The following G2E3 variants were observed in gnomAD, a reference collection of about 807,000 sequenced individuals.
G2E3 encodes the protein G2/M-phase specific E3 ubiquitin protein ligase.
A neutral mutation model predicts 92.8 loss-of-function variants in G2E3; 35 were observed. The ratio of observed to expected loss-of-function variants is 0.38; its 90% CI spans 0.29 to 0.50. The LOEUF is 0.50. Ranked by LOEUF, G2E3 falls within the 20% of genes least tolerant of loss-of-function variation. G2E3 has a pLI of 0.94. For synonymous variants in G2E3, 242 were observed against 272.4 expected, an observed-to-expected ratio of 0.89 and a Z score of 1.10; for missense variants, 554 against 823.8, an observed-to-expected ratio of 0.67 and a Z score of 4.01.
Position 30,617,729 on chromosome 14 carries a change from T to C in G2E3, c.*1195T>C, listed in dbSNP as rs1882379626. On this transcript the variant is annotated 3_prime_UTR_variant, in exon 15 of 15. Coordinates refer to ENST00000206595, the MANE Select transcript of G2E3 (RefSeq NM_017769.5). ...AAACTCTTTACTTCTGTTTCCTTTA[T>C]TTTTTAACTTTAATAATGCTACTAA... is the stretch of plus-strand genomic sequence containing the variant. The C allele has an allele frequency of 6.6e-6, 1 of 152,128 alleles. No homozygotes were observed. Among genetic ancestry groups the C allele is most frequent in the Non-Finnish European group, 1.5e-5 (1 of 67,962 alleles). The allele number at this position is 152,128 out of a possible 1,614,324, so 9.4% of individuals were successfully genotyped here. A position where few individuals can be genotyped will look rare whatever the true frequency, so the allele number is the denominator to read the frequency against.
intron 8 of G2E3, among the ~76,000 whole-genome samples, chr14:30,599,803 A>G (rs1416793657): frequency 3.3e-5 from 5 of 152,328 alleles, no homozygotes; most frequent in African/African-American, 1.2e-4. Flanking sequence ...CTACTGGAAA[A>G]TTTTAAATTA....
chr14:30,600,589 C>T (rs1423980010), intron 8 of G2E3, among the ~76,000 whole-genome samples: 1 of 152,094 alleles, frequency 6.6e-6, no homozygotes, highest in Non-Finnish European at 1.5e-5. Context: ...CTGTTCTTAA[C>T]CTATATGTAT....
At chr14:30,590,690 A>G (rs1255679170) in intron 4 of G2E3, 1 of 455,960 alleles carries the variant, frequency 2.2e-6, no homozygotes, top group Non-Finnish European at 4.4e-6. Flanking sequence ...GTAAAAACAG[A>G]GGTTCTAGGG....
intron 12 of G2E3, among the ~76,000 whole-genome samples, chr14:30,609,594 A>G (rs943688095): frequency 1.2e-4 from 18 of 152,056 alleles, no homozygotes; most frequent in African/African-American, 4.3e-4. Context: ...CTCTCCTGTA[A>G]TCTTTCTGAA....
chr14:30,590,493 C>T, intron 4 of G2E3: 1 of 340,778 alleles, frequency 2.9e-6, no homozygotes, highest in Non-Finnish European at 5.8e-6. Context: ...TCTCTTTGTC[C>T]CCTTTCCTGC....
At chr14:30,560,685 T>A (rs1019408516) in intron 1 of G2E3, 2 of 637,616 alleles carry the variant, frequency 3.1e-6, no homozygotes, top group African/African-American at 3.7e-5. Flanking sequence ...TTCATTGGAT[T>A]TTTGCTCTTT....
intron 8 of G2E3, among the ~76,000 whole-genome samples, chr14:30,600,272 C>CCTGT (rs1881502220): frequency 6.6e-6 from 1 of 152,160 alleles, no homozygotes; most frequent in Non-Finnish European, 1.5e-5. Context: ...GTTAGCAGCT[C>CCTGT]TCCTCATTCC....
At chr14:30,614,256 C>T (rs1214590330) in intron 13 of G2E3, among the ~76,000 whole-genome samples, 1 of 151,988 alleles carries the variant, frequency 6.6e-6, no homozygotes, top group East Asian at 1.9e-4. Context: ...GTGTTCTTAG[C>T]TCATTTTATG....
In G2E3 at chr14:30,598,471, C is replaced by A. The variant is rs370957754; in HGVS notation, c.636-12C>A. ...TTATAGGTCAAAGCATATTTTATAT[C>A]TTCTTTTATAGAGATGCTTCCTGGG... On this transcript the variant is annotated splice_polypyrimidine_tract_variant and intron_variant, in intron 7 of 14. Coordinates refer to ENST00000206595, the MANE Select transcript of G2E3 (RefSeq NM_017769.5). The A allele has an allele frequency of 7.0e-5, 103 of 1,471,758 alleles. No homozygotes were observed. In the Middle Eastern group the frequency reaches 2.1e-3, roughly 30 times the overall value. 91.2% of individuals were successfully genotyped at this position (1,471,758 alleles called of 1,614,324 possible).
chr14:30,568,683 T>A (rs1426374552), intron 1 of G2E3, among the ~76,000 whole-genome samples: 46 of 152,166 alleles, frequency 3.0e-4, no homozygotes, highest in Admixed American at 2.9e-3. Context: ...CTTCTGTATA[T>A]CTCATCCTTC....
intron 8 of G2E3, among the ~76,000 whole-genome samples, chr14:30,600,773 A>G (rs1470842228): frequency 2.0e-5 from 3 of 152,214 alleles, no homozygotes; most frequent in African/African-American, 7.2e-5. Flanking sequence ...CTGAAGCTAG[A>G]TAAACTGAAA....
intron 14 of G2E3, 89 bp from the exon 15 acceptor site, chr14:30,616,189 T>A: frequency 1.2e-6 from 1 of 866,008 alleles, no homozygotes; most frequent in South Asian, 1.5e-5. Context: ...GTATTCCAAG[T>A]CTATTTGGAG....
intron 12 of G2E3, 136 bp downstream of exon 12, chr14:30,608,205 G>A (rs150466307): frequency 8.2e-5 from 44 of 536,720 alleles, no homozygotes; most frequent in African/African-American, 8.1e-4. Context: ...CTGTTTACCA[G>A]TGGAGTTCTG....
intron 1 of G2E3, chr14:30,559,759 G>T (rs1057208168): frequency 1.3e-5 from 2 of 152,168 alleles, no homozygotes; most frequent in Non-Finnish European, 2.9e-5. Flanking sequence ...AGATACCCGG[G>T]CAACCTTGAT....
chr14:30,562,611 C>T (rs1040349183), intron 1 of G2E3, among the ~76,000 whole-genome samples: 33 of 151,904 alleles, frequency 2.2e-4, no homozygotes, highest in Non-Finnish European at 1.5e-5. Context: ...TCCCTTTCCC[C>T]GGGGGAGTTT....
rs1368919100 is a variant in G2E3, at chr14:30,619,995, G to T, written c.*3461G>T. 6.6e-6 allele frequency: 1 copy of T among 152,070 alleles called. No individual in the cohort carries two copies. The highest frequency in any genetic ancestry group is 1.9e-4 in the East Asian group (1 of 5,192). 9.4% of individuals were successfully genotyped at this position (152,070 alleles called of 1,614,324 possible). Reference sequence around the variant, plus strand: ...CACCCAGGAACCTATAGAAATGAGGGAATCTGTGTTAAAACTATGTATCCT... The same window carrying T: ...CACCCAGGAACCTATAGAAATGAGGTAATCTGTGTTAAAACTATGTATCCT... On this transcript the variant is annotated 3_prime_UTR_variant, in exon 15 of 15. Transcript: ENST00000206595.
chr14:30,600,933 A>C lies in G2E3; in HGVS notation c.753-837A>C, dbSNP rs116594917. ...AGGATTAAACTTTTCATATGAACAC[A>C]GAGAGAACTGGACCTGGAGCATAAT... is the stretch of plus-strand genomic sequence containing the variant. On this transcript the variant is annotated intron_variant, in intron 8 of 14. Coordinates refer to ENST00000206595, the MANE Select transcript of G2E3 (RefSeq NM_017769.5). Among the ~76,000 whole-genome samples the C allele has an allele frequency of 3.7e-3, 561 of 152,316 alleles. 7 individuals carry two copies. Among genetic ancestry groups the C allele is most frequent in the African/African-American group, 0.013 (528 of 41,572 alleles).
intron 1 of G2E3, among the ~76,000 whole-genome samples, chr14:30,567,219 T>C (rs1879488783): frequency 6.6e-6 from 1 of 152,160 alleles, no homozygotes; most frequent in African/African-American, 2.4e-5. Context: ...ATAATATCTT[T>C]TGGAGGGGTT....
At chr14:30,565,661 T>C (rs544827982) in intron 1 of G2E3, among the ~76,000 whole-genome samples, 25 of 127,418 alleles carry the variant, frequency 2.0e-4, no homozygotes, top group African/African-American at 7.2e-4. Context: ...TTTTTTTTTT[T>C]TTTTTTTTTT....
Sources: allele counts gnomAD v4.1 joint callset (sites outside exome capture counted in the v4.1 genomes callset), GRCh38; gene constraint gnomAD v4.1.1; transcripts MANE v1.5; gene names NCBI Gene and HGNC (gene_info 2026-07-23, HGNC 2026-07-21).